Variants in MED12L observed in about 807,000 individuals in gnomAD.
MED12L encodes the protein mediator of RNA polymerase II transcription subunit 12-like protein.
In MED12L, 60 loss-of-function variants were observed where a neutral mutation model predicts 281.3. That is an observed-to-expected ratio of 0.21 (90% CI 0.17 to 0.26). The LOEUF (loss-of-function observed/expected upper bound fraction) is 0.26. Ranked by LOEUF, MED12L falls within the 10% of genes least tolerant of loss-of-function variation. MED12L has a pLI of 1.00. For missense variants in MED12L, 2,146 were observed against 2,680.9 expected (o/e 0.80, Z 4.41); for synonymous variants, 974 against 987.2 (o/e 0.99, Z 0.25).
At chr3:151,213,388 A>C (rs995157281) in intron 16 of MED12L, 50 of 1,613,832 alleles carry the variant, frequency 3.1e-5, no homozygotes, top group Non-Finnish European at 4.2e-5. Context: ...TGGAATGTGC[A>C]ATTTCTTACA....
chr3:151,188,197 C>T (rs1193735108), intron 12 of MED12L, 157 bp from the exon 13 acceptor site: 1 of 509,254 alleles, frequency 2.0e-6, no homozygotes, highest in Non-Finnish European at 3.4e-6. Context: ...AAATTATATT[C>T]ACCTGAGGTG....
At chr3:151,393,690 A>G (rs1714592390) in intron 38 of MED12L, among the ~76,000 whole-genome samples, 1 of 152,180 alleles carries the variant, frequency 6.6e-6, no homozygotes, top group African/African-American at 2.4e-5. Flanking sequence ...AGTTCCCAAC[A>G]TTGACTTTTA....
At position 151,115,327 on chromosome 3, in the gene MED12L, C is replaced by CTT. The variant is rs66728754; in HGVS notation, c.100-973_100-972dup. 2.0e-4 allele frequency among the ~76,000 whole-genome samples: 12 copies of CTT among 60,806 alleles called. 2 individuals carry two copies. Among genetic ancestry groups the CTT allele is most frequent in the African/African-American group, 4.8e-4 (8 of 16,706 alleles). The allele number at this position is 60,806 out of a possible 152,430, so 39.9% of individuals were successfully genotyped here. On this transcript the variant is annotated intron_variant, in intron 2 of 44. Coordinates refer to ENST00000687756, the MANE Select transcript of MED12L (RefSeq NM_001393769.1). ...AACTGTGGGCTCTCTGGAAACAATT[C>CTT]TTTTTTTTTTTTTTTTTTTTTTTTT...
chr3:151,407,349 G>A (rs575029859), intron 39 of MED12L, among the ~76,000 whole-genome samples: 3 of 152,314 alleles, frequency 2.0e-5, no homozygotes, highest in Non-Finnish European at 4.4e-5. Flanking sequence ...AAGAGGGCAC[G>A]AGTGTTATAA....
chr3:151,436,582 A>G lies in MED12L; in HGVS notation c.*3778A>G, dbSNP rs927987411. On this transcript the variant is annotated 3_prime_UTR_variant, in exon 45 of 45. Coordinates refer to ENST00000687756, the MANE Select transcript of MED12L (RefSeq NM_001393769.1). ...ATTTTGCATGTTCATTGTAAATTTAATACTGTAAATGTATTCAAATTCATT... is the reference window on the plus strand; with the variant it reads ...ATTTTGCATGTTCATTGTAAATTTAGTACTGTAAATGTATTCAAATTCATT... 3 of 724,188 alleles carry G rather than the reference A, an allele frequency of 4.1e-6. No individual in the cohort carries two copies. In the African/African-American group the frequency reaches 5.3e-5, roughly 13 times the overall value. The allele number at this position is 724,188 out of a possible 1,614,324, so 44.9% of individuals were successfully genotyped here.
chr3:151,309,149 A>G (rs1451140243), intron 16 of MED12L, among the ~76,000 whole-genome samples: 2 of 151,670 alleles, frequency 1.3e-5, no homozygotes, highest in East Asian at 1.9e-4. Context: ...ACGCACACAC[A>G]CACACACACA....
chr3:151,094,679 A>G (rs1446325869), intron 2 of MED12L, among the ~76,000 whole-genome samples: 3 of 152,224 alleles, frequency 2.0e-5, no homozygotes, highest in Non-Finnish European at 4.4e-5. Flanking sequence ...AAAAATATAT[A>G]TACACAATCT....
At chr3:151,362,625 A>G (rs1421004254) in intron 21 of MED12L, among the ~76,000 whole-genome samples, 5 of 152,048 alleles carry the variant, frequency 3.3e-5, no homozygotes, top group African/African-American at 1.2e-4. Context: ...CCTCCTTAGA[A>G]TGTATGCTTC....
intron 16 of MED12L, among the ~76,000 whole-genome samples, chr3:151,284,289 T>A (rs1461037835): frequency 6.6e-6 from 1 of 152,026 alleles, no homozygotes; most frequent in Non-Finnish European, 1.5e-5. Context: ...TTTGTTTGTT[T>A]TTTTTTTTCT....
chr3:151,179,831 A>G lies in MED12L; in HGVS notation c.1495-5499A>G, dbSNP rs897103332. 4.6e-5 allele frequency among the ~76,000 whole-genome samples: 7 copies of G among 152,240 alleles called. No individual in the cohort carries two copies. In the South Asian group the frequency reaches 8.3e-4, roughly 18 times the overall value. The stretch of plus-strand genomic sequence containing the variant: ...AAATAAAAACAAACCAAAAATTTTC[A>G]TAGTTCCATTGCTGAAGACATTCAA... On this transcript the variant is annotated intron_variant, in intron 11 of 44. Transcript: ENST00000687756.
At chr3:151,099,055 G>A (rs1013993806) in intron 2 of MED12L, among the ~76,000 whole-genome samples, 1 of 152,068 alleles carries the variant, frequency 6.6e-6, no homozygotes, top group African/African-American at 2.4e-5. Flanking sequence ...AAAGATATGG[G>A]GGAAACTGTA....
intron 6 of MED12L, 92 bp from the exon 7 acceptor site, chr3:151,158,594 CAGT>C (rs771081117): frequency 1.4e-6 from 1 of 716,508 alleles, no homozygotes; most frequent in Admixed American, 2.6e-5. Context: ...ACAACAAAAA[CAGT>C]AGTACAGTTA....
intron 16 of MED12L, among the ~76,000 whole-genome samples, chr3:151,332,780 A>C (rs1331835643): frequency 6.6e-6 from 1 of 151,984 alleles, no homozygotes; most frequent in Non-Finnish European, 1.5e-5. Flanking sequence ...GTACATGTGC[A>C]GGTTTGTTAC....
At chr3:151,087,831 GTC>G (rs1398837155) in intron 2 of MED12L, among the ~76,000 whole-genome samples, 1 of 152,098 alleles carries the variant, frequency 6.6e-6, no homozygotes, top group Non-Finnish European at 1.5e-5. Flanking sequence ...TATGTAACAA[GTC>G]TCTAGTTATA....
At chr3:151,373,087 T>C (rs1442712770) in intron 27 of MED12L, among the ~76,000 whole-genome samples, 1 of 152,210 alleles carries the variant, frequency 6.6e-6, no homozygotes, top group Non-Finnish European at 1.5e-5. Flanking sequence ...ATTGCATTAT[T>C]TCATAACATA....
intron 16 of MED12L, chr3:151,294,510 G>A (rs1176180206): frequency 6.2e-6 from 10 of 1,614,092 alleles, no homozygotes; most frequent in Non-Finnish European, 7.6e-6. Context: ...TTTCGCTTTC[G>A]GCTTGACTGA....
At chr3:151,396,483 A>G (rs1038207571) in intron 39 of MED12L, among the ~76,000 whole-genome samples, 1 of 152,154 alleles carries the variant, frequency 6.6e-6, no homozygotes, top group African/African-American at 2.4e-5. Flanking sequence ...AAAATTAGGC[A>G]TGGTAGAGCA....
At chr3:151,370,822 G>A (rs908593124) in intron 26 of MED12L, among the ~76,000 whole-genome samples, 3 of 152,176 alleles carry the variant, frequency 2.0e-5, no homozygotes, top group Admixed American at 6.5e-5. Context: ...TGACAAATAT[G>A]CTAATGGCAG....
chr3:151,257,433 C>T (rs891342790), intron 16 of MED12L, among the ~76,000 whole-genome samples: 5 of 152,134 alleles, frequency 3.3e-5, no homozygotes, highest in Non-Finnish European at 5.9e-5. Context: ...GTTAGAATAC[C>T]GGCTGAGTTA....
Sources: gnomAD v4.1 joint callset for allele counts (sites outside exome capture counted in the v4.1 genomes callset) on GRCh38, gnomAD v4.1.1 for gene constraint, MANE v1.5 for transcripts, NCBI Gene and HGNC (gene_info 2026-07-23, HGNC 2026-07-21) for gene names.